The following PRELID2 variants were observed in gnomAD, a reference collection of about 807,000 sequenced individuals.
PRELID2 encodes PRELI domain containing 2, also known as PRELI domain-containing protein 2.
In PRELID2, 25 loss-of-function variants were observed where a neutral mutation model predicts 28.4. That is an observed-to-expected ratio of 0.88 (90% CI 0.64 to 1.23). PRELID2 has a LOEUF of 1.23. Ranked by LOEUF, PRELID2 falls within the 50% of genes most tolerant of loss-of-function variation. The probability of loss-of-function intolerance (pLI) is 0.00; values close to 1 mark genes in which losing one functional copy is unlikely to be tolerated. For missense variants in PRELID2, 201 were observed against 214.4 expected, an observed-to-expected ratio of 0.94 and a Z score of 0.39; for synonymous variants, 76 against 71.6, an observed-to-expected ratio of 1.06 and a Z score of -0.31.
At chr5:145,319,595 C>T in the PRELID2 span, among the ~76,000 whole-genome samples, 2 of 151,880 alleles carry the variant, frequency 1.3e-5, no homozygotes, top group Non-Finnish European at 2.9e-5. Context: ...CCCTTGAACC[C>T]GTGAGGCAGA....
At chr5:145,262,150 G>A in the PRELID2 span, among the ~76,000 whole-genome samples, 1 of 151,832 alleles carries the variant, frequency 6.6e-6, no homozygotes. Context: ...TAAAGACAGA[G>A]AAAAAAGAAT....
the PRELID2 span, among the ~76,000 whole-genome samples, chr5:145,383,843 TAC>T: frequency 2.0e-5 from 3 of 151,762 alleles, no homozygotes; most frequent in African/African-American, 7.3e-5. Context: ...CACACACACA[TAC>T]ACACACACAT....
At chr5:145,477,296 C>T (rs907716515) in intron 1 of PRELID2, among the ~76,000 whole-genome samples, 1 of 152,190 alleles carries the variant, frequency 6.6e-6, no homozygotes, top group African/African-American at 2.4e-5. Context: ...CTCTACATTT[C>T]TCTGTGTTTG....
chr5:145,599,455 G>C (rs1239313206), intron 1 of PRELID2, among the ~76,000 whole-genome samples: 1 of 152,062 alleles, frequency 6.6e-6, no homozygotes, highest in African/African-American at 2.4e-5. Flanking sequence ...CTTTCTTAAG[G>C]CTTTTTGTAT....
the PRELID2 span, among the ~76,000 whole-genome samples, chr5:145,434,549 A>G: frequency 6.6e-6 from 1 of 152,194 alleles, no homozygotes; most frequent in Admixed American, 6.5e-5. Flanking sequence ...ATTAGTTCAT[A>G]GATTAATGAG....
chr5:145,331,272 T>C, the PRELID2 span, among the ~76,000 whole-genome samples: 12 of 152,298 alleles, frequency 7.9e-5, no homozygotes, highest in Non-Finnish European at 1.8e-4. Flanking sequence ...TGGAGAGTTC[T>C]GTAGATGTCT....
the PRELID2 span, among the ~76,000 whole-genome samples, chr5:145,307,643 G>A: frequency 9.2e-5 from 14 of 152,108 alleles, no homozygotes; most frequent in Non-Finnish European, 1.2e-4. Context: ...ATTTGAGGTC[G>A]AGTATTCAGG....
chr5:145,742,442 A>C (rs1756859261), intron 1 of PRELID2, among the ~76,000 whole-genome samples: 1 of 148,106 alleles, frequency 6.8e-6, no homozygotes, highest in Admixed American at 6.8e-5. Context: ...AATCGATAAC[A>C]GAAAGACAGT....
intron 1 of PRELID2, among the ~76,000 whole-genome samples, chr5:145,673,627 G>T (rs1754754929): frequency 6.6e-6 from 1 of 151,716 alleles, no homozygotes; most frequent in Non-Finnish European, 1.5e-5. Flanking sequence ...ATATAAATGG[G>T]CATAATAAAT....
intron 1 of PRELID2, among the ~76,000 whole-genome samples, chr5:145,620,302 A>G (rs940934145): frequency 6.6e-6 from 1 of 151,876 alleles, no homozygotes; most frequent in Admixed American, 6.6e-5. Flanking sequence ...GAGATCTACA[A>G]GCAGCCAGAG....
At chr5:145,394,406 G>C in the PRELID2 span, among the ~76,000 whole-genome samples, 1 of 146,396 alleles carries the variant, frequency 6.8e-6, no homozygotes, top group African/African-American at 2.5e-5. Context: ...ACACAGGAGG[G>C]GGAACATCAC....
the PRELID2 span, among the ~76,000 whole-genome samples, chr5:145,308,129 G>A: frequency 1.3e-5 from 2 of 152,148 alleles, no homozygotes; most frequent in African/African-American, 4.8e-5. Context: ...CAGACTGAGA[G>A]GGCACCAGGT....
chr5:145,741,443 A>C (rs1319699648), intron 1 of PRELID2, among the ~76,000 whole-genome samples: 38 of 104,056 alleles, frequency 3.7e-4, no homozygotes, highest in South Asian at 1.9e-3. Context: ...AACAAAATTT[A>C]TTTATAAATA....
chr5:145,578,321 A>G (rs541391689), intron 1 of PRELID2, among the ~76,000 whole-genome samples: 141 of 152,264 alleles, frequency 9.3e-4, no homozygotes, highest in African/African-American at 3.4e-3. Flanking sequence ...TTTCACTTAG[A>G]AAATGTGTGA....
the PRELID2 span, among the ~76,000 whole-genome samples, chr5:145,347,843 T>G: frequency 2.0e-5 from 3 of 152,108 alleles, no homozygotes; most frequent in African/African-American, 7.2e-5. Flanking sequence ...CTTCAGTATT[T>G]TTGAAAATCT....
chr5:145,556,843 A>T (rs557878191), intron 1 of PRELID2, among the ~76,000 whole-genome samples: 2 of 151,630 alleles, frequency 1.3e-5, no homozygotes, highest in South Asian at 4.2e-4. Flanking sequence ...AGTCTCTAAC[A>T]CTCCTGTCTC....
the PRELID2 span, among the ~76,000 whole-genome samples, chr5:145,334,530 C>A: frequency 6.6e-6 from 1 of 152,112 alleles, no homozygotes; most frequent in Non-Finnish European, 1.5e-5. Flanking sequence ...TACAGGATTA[C>A]AATATCCTGA....
intron 1 of PRELID2, among the ~76,000 whole-genome samples, chr5:145,710,188 C>A (rs995072826): frequency 6.6e-6 from 1 of 152,050 alleles, no homozygotes; most frequent in Non-Finnish European, 1.5e-5. Flanking sequence ...TTGCTTAAGG[C>A]ACAATATTTT....
chr5:145,251,477 T>A, the PRELID2 span, among the ~76,000 whole-genome samples: 1 of 150,520 alleles, frequency 6.6e-6, no homozygotes, highest in Non-Finnish European at 1.5e-5. Flanking sequence ...GTGTAATGAT[T>A]TCTAACTAAA....
Sources: gnomAD v4.1 joint callset for allele counts (sites outside exome capture counted in the v4.1 genomes callset) on GRCh38, gnomAD v4.1.1 for gene constraint, MANE v1.5 for transcripts, NCBI Gene and HGNC (gene_info 2026-07-23, HGNC 2026-07-21) for gene names.